KLF8: variants seen among roughly 807,000 people sequenced by gnomAD.
The protein encoded by KLF8 is Krueppel-like factor 8.
A neutral mutation model predicts 18.2 loss-of-function variants in KLF8; 10 were observed. The observed-to-expected ratio is 0.55, with a 90% CI of 0.34 to 0.93. The LOEUF (loss-of-function observed/expected upper bound fraction) is 0.93. Among genes scored for constraint, KLF8 ranks in the 40% least tolerant of loss-of-function variants. The probability of loss-of-function intolerance (pLI) is 0.02; values close to 1 mark genes in which losing one functional copy is unlikely to be tolerated. For synonymous variants in KLF8, 109 were observed against 97.3 expected (o/e 1.12, Z -0.71); for missense variants, 264 against 277.9 (o/e 0.95, Z 0.36).
the KLF8 span, among the ~76,000 whole-genome samples, chrX:56,190,243 A>G: frequency 9.0e-6 from 1 of 111,116 alleles, no homozygotes; most frequent in Non-Finnish European, 1.9e-5. Flanking sequence ...TAGAAGGTCA[A>G]TACACAATGA....
chrX:56,036,707 T>C, the KLF8 span, among the ~76,000 whole-genome samples: 1 of 111,976 alleles, frequency 8.9e-6, no homozygotes, highest in Non-Finnish European at 1.9e-5. Flanking sequence ...AAATTTTTTT[T>C]CTTTGAAGAA....
rs183752501 is a variant in KLF8, at chrX:56,250,857, T to C, written c.81+553T>C. On this transcript the variant is annotated intron_variant, in intron 2 of 5. Transcript: ENST00000468660. ...CTGGAGATTCAGAAGGAGTTACAGT[T>C]TGAGTCCAAAAGCAGATTGTGAGAA... is the stretch of plus-strand genomic sequence containing the variant. 2.5e-3 allele frequency among the ~76,000 whole-genome samples: 282 copies of C among 111,814 alleles called. 2 individuals carry two copies. The highest frequency in any genetic ancestry group is 0.011 in the South Asian group (30 of 2,630).
the KLF8 span, among the ~76,000 whole-genome samples, chrX:56,060,085 G>T: frequency 9.0e-6 from 1 of 111,432 alleles, no homozygotes; most frequent in Non-Finnish European, 1.9e-5. Flanking sequence ...GGAGATTTGG[G>T]GCTGAGATGA....
chrX:56,061,192 C>T, the KLF8 span, among the ~76,000 whole-genome samples: 1 of 111,297 alleles, frequency 9.0e-6, no homozygotes, highest in African/African-American at 3.3e-5. Flanking sequence ...TTAGTTATTT[C>T]TTGTCTTCTG....
the KLF8 span, among the ~76,000 whole-genome samples, chrX:56,010,484 G>A: frequency 0.12 from 13,138 of 111,340 alleles, 1,912 homozygotes; most frequent in African/African-American, 0.41. Flanking sequence ...GAAAGGAAAA[G>A]CCATTACCAG....
the KLF8 span, among the ~76,000 whole-genome samples, chrX:56,092,841 A>G: frequency 9.2e-6 from 1 of 108,869 alleles, no homozygotes; most frequent in Admixed American, 1.0e-4. Flanking sequence ...AGAGATGAAA[A>G]CTCTGTCACA....
Position 56,284,594 on chromosome X carries a change from G to T in KLF8, c.*100G>T. On this transcript the variant is annotated 3_prime_UTR_variant, in exon 6 of 6. Transcript: ENST00000468660. ...CTCTTTGACTTCAGCTTGCATATGG[G>T]GTTGAAGCAGCCCACTGAGCCAAGT... The T allele has an allele frequency of 1.4e-6, 1 of 699,505 alleles. No homozygotes were observed. The highest frequency in any genetic ancestry group is 2.0e-6 in the Non-Finnish European group (1 of 500,877). The allele number at this position is 699,505 out of a possible 1,213,427, so 57.6% of individuals were successfully genotyped here.
chrX:55,959,895 A>G, the KLF8 span, among the ~76,000 whole-genome samples: 1 of 111,136 alleles, frequency 9.0e-6, no homozygotes, highest in Admixed American at 9.5e-5. Flanking sequence ...CAAAAAAAAA[A>G]ACTTTGCAAA....
the KLF8 span, among the ~76,000 whole-genome samples, chrX:56,103,069 T>C: frequency 1.8e-5 from 2 of 110,529 alleles, no homozygotes; most frequent in Non-Finnish European, 3.8e-5. Flanking sequence ...CATTGGTCTA[T>C]ATCTCCATTT....
At chrX:56,196,090 A>G in the KLF8 span, among the ~76,000 whole-genome samples, 1 of 112,021 alleles carries the variant, frequency 8.9e-6, no homozygotes, top group Non-Finnish European at 1.9e-5. Context: ...AGCATGAAAC[A>G]TGGAAAGAAA....
the KLF8 span, among the ~76,000 whole-genome samples, chrX:56,027,881 TA>T: frequency 1.8e-5 from 2 of 112,781 alleles, no homozygotes; most frequent in Admixed American, 1.9e-4. Flanking sequence ...GGTACTTGGT[TA>T]ATCTAGCATT....
chrX:56,163,925 T>C, the KLF8 span, among the ~76,000 whole-genome samples: 1 of 111,337 alleles, frequency 9.0e-6, no homozygotes, highest in Admixed American at 9.6e-5. Context: ...CAGTCTTATG[T>C]CTGGGTACTC....
At chrX:55,980,529 G>A in the KLF8 span, among the ~76,000 whole-genome samples, 1 of 111,737 alleles carries the variant, frequency 8.9e-6, no homozygotes, top group Admixed American at 9.5e-5. Context: ...ATTCTGATTG[G>A]TCAGTGCATG....
the KLF8 span, among the ~76,000 whole-genome samples, chrX:56,189,263 T>A: frequency 2.7e-5 from 3 of 111,635 alleles, no homozygotes; most frequent in Non-Finnish European, 3.8e-5. Context: ...AAAAAACACA[T>A]GAAAAAATGC....
chrX:56,161,443 A>G, the KLF8 span, among the ~76,000 whole-genome samples: 1 of 111,565 alleles, frequency 9.0e-6, no homozygotes, highest in Non-Finnish European at 1.9e-5. Context: ...ATAGTCCCAT[A>G]TTTGTTGGAA....
At chrX:56,213,743 A>C in the KLF8 span, among the ~76,000 whole-genome samples, 2 of 111,451 alleles carry the variant, frequency 1.8e-5, no homozygotes, top group Non-Finnish European at 3.8e-5. Context: ...AAGCCCCAGA[A>C]GGAGTGTTAC....
chrX:55,999,950 C>T, the KLF8 span, among the ~76,000 whole-genome samples: 1 of 111,797 alleles, frequency 8.9e-6, no homozygotes. Context: ...TTCAACTTTT[C>T]CATATTCGGT....
chrX:55,912,439 C>T, the KLF8 span, among the ~76,000 whole-genome samples: 2 of 111,513 alleles, frequency 1.8e-5, 1 homozygote, highest in Non-Finnish European at 3.8e-5. Context: ...GCAGAATTTA[C>T]AATCACTGTT....
the KLF8 span, among the ~76,000 whole-genome samples, chrX:55,913,764 A>G: frequency 8.9e-6 from 1 of 112,144 alleles, no homozygotes; most frequent in Admixed American, 9.5e-5. Flanking sequence ...TATTCCAGGC[A>G]GGAAGAATCT....
Sources: gnomAD v4.1 joint callset for allele counts (sites outside exome capture counted in the v4.1 genomes callset) on GRCh38, gnomAD v4.1.1 for gene constraint, MANE v1.5 for transcripts, NCBI Gene and HGNC (gene_info 2026-07-23, HGNC 2026-07-21) for gene names.